Variants in ACTN4 observed in about 807,000 individuals in gnomAD.
ACTN4 encodes the protein actinin alpha 4, also known as alpha-actinin-4.
ACTN4 carries 18 observed loss-of-function variants against 114.2 expected under a neutral mutation model. The observed-to-expected ratio is 0.16, with a 90% CI of 0.11 to 0.23. ACTN4 has a LOEUF of 0.23. ACTN4 is among the 10% of genes least tolerant of loss of function. The pLI, the probability that ACTN4 is intolerant of heterozygous loss-of-function variation, is 1.00. For missense variants in ACTN4, 722 were observed against 1,262.9 expected (o/e 0.57, Z 6.49); for synonymous variants, 515 against 506.3 (o/e 1.02, Z -0.23).
Position 38,729,557 on chromosome 19 carries a change from T to TGGGCAGGGAG in ACTN4, c.*130_*139dup. On this transcript the variant is annotated 3_prime_UTR_variant, in exon 21 of 21. Transcript: ENST00000252699. ...TCTGCAGTCCTCCGGGGTGGGTGGG[T>TGGGCAGGGAG]GGGCAGGGAGGGGCTGGGGCAGGCT... is the stretch of plus-strand genomic sequence containing the variant. 1 of 81,698 alleles carries TGGGCAGGGAG rather than the reference T, an allele frequency of 1.2e-5. No individual in the cohort carries two copies. The highest frequency in any genetic ancestry group is 9.5e-5 in the South Asian group (1 of 10,520). The allele number at this position is 81,698 out of a possible 1,614,324, so 5.1% of individuals were successfully genotyped here. A position where few individuals can be genotyped will look rare whatever the true frequency, so the allele number is the denominator to read the frequency against.
chr19:38,705,506 G>C (rs1013945426), intron 4 of ACTN4, among the ~76,000 whole-genome samples: 1 of 152,218 alleles, frequency 6.6e-6, no homozygotes, highest in East Asian at 1.9e-4. Context: ...CTGGGCTAGC[G>C]TGCAGGGGCT....
chr19:38,717,863 G>C lies in ACTN4; in HGVS notation c.1144-64G>C. 1 of 1,550,294 alleles carries C rather than the reference G, an allele frequency of 6.5e-7. No individual in the cohort carries two copies. On this transcript the variant is annotated intron_variant, in intron 10 of 20. Transcript: ENST00000252699. This position sits in a 1 kb window ranked among gnomAD's most constrained non-coding sequence, Gnocchi z 4.0. The stretch of plus-strand genomic sequence containing the variant: ...GCCACCTTCCCATCAGCATCCCTTG[G>C]AGACATCCCCCTGGGTGCCTCCACT...
intron 1 of ACTN4, among the ~76,000 whole-genome samples, chr19:38,688,950 A>G (rs1226363463): frequency 1.3e-5 from 2 of 152,200 alleles, no homozygotes; most frequent in Non-Finnish European, 2.9e-5. Context: ...GGGTTTCACC[A>G]TGTCACCCAG....
At position 38,731,031 on chromosome 19, in the gene ACTN4, G is replaced by C; in HGVS notation, c.*1599G>C. 6.4e-7 allele frequency: 1 copy of C among 1,555,656 alleles called. No homozygotes were observed. Among genetic ancestry groups the C allele is most frequent in the Non-Finnish European group, 8.7e-7 (1 of 1,150,138 alleles). ...GGTGCTGGCTGCAGTGGCCTGTGCA[G>C]AGAGGGGCAGGGTGAGTGCCCACCA... On this transcript the variant is annotated 3_prime_UTR_variant, in exon 21 of 21. Coordinates refer to ENST00000252699, the MANE Select transcript of ACTN4 (RefSeq NM_004924.6).
intron 1 of ACTN4, among the ~76,000 whole-genome samples, chr19:38,692,770 CCT>C (rs1491425952): frequency 1.1e-4 from 17 of 152,176 alleles, no homozygotes; most frequent in Non-Finnish European, 2.5e-4. Context: ...CTGTACCTCC[CCT>C]GTGTCCAAGC....
intron 5 of ACTN4, among the ~76,000 whole-genome samples, chr19:38,706,357 C>T (rs1655666883): frequency 6.6e-6 from 1 of 152,218 alleles, no homozygotes; most frequent in African/African-American, 2.4e-5. Context: ...AAGGTCAGCC[C>T]TCTCGCCGGC....
chr19:38,727,740 T>G lies in ACTN4; in HGVS notation c.2338-206T>G. The stretch of plus-strand genomic sequence containing the variant: ...GGGAGGCCTCTGCCTTCCTTTGAGC[T>G]TCCGAGGTTGGGGAAAGGATGAAAG... On this transcript the variant is annotated intron_variant, in intron 18 of 20. Transcript: ENST00000252699. The surrounding 1 kb of genome is among the most constrained non-coding windows in gnomAD (Gnocchi z 5.4). 1.3e-5 allele frequency: 8 copies of G among 595,120 alleles called. No homozygotes were observed. The South Asian group carries it at 1.6e-4, about 12-fold the overall frequency. 36.9% of individuals were successfully genotyped at this position (595,120 alleles called of 1,614,324 possible).
rs1969583354 is a variant in ACTN4, at chr19:38,731,269, C to T, written c.*1837C>T. 6.7e-7 allele frequency: 1 copy of T among 1,491,462 alleles called. No homozygotes were observed. Among genetic ancestry groups the T allele is most frequent in the Middle Eastern group, 2.2e-4 (1 of 4,634 alleles). The allele number at this position is 1,491,462 out of a possible 1,614,324, so 92.4% of individuals were successfully genotyped here. A position where few individuals can be genotyped will look rare whatever the true frequency, so the allele number is the denominator to read the frequency against. ...AGCCCAGTGGCCCACAGGGAACCCA[C>T]CTTGGCATTGCATCCCCACCCCACC... On this transcript the variant is annotated 3_prime_UTR_variant, in exon 21 of 21. Coordinates refer to ENST00000252699, the MANE Select transcript of ACTN4 (RefSeq NM_004924.6).
rs371223361 is a variant in ACTN4, at chr19:38,724,090, C to T, written c.1692+13C>T. On this transcript the variant is annotated intron_variant, in intron 14 of 20. Transcript: ENST00000252699. The surrounding 1 kb of genome is among the most constrained non-coding windows in gnomAD (Gnocchi z 7.0). ...CGAGGAGATTGAGGTTCGCACCCCC[C>T]GGCCCCCCATCTTCCCAAGAGCCTC... is the stretch of plus-strand genomic sequence containing the variant. 5.9e-5 allele frequency: 95 copies of T among 1,613,666 alleles called. No individual in the cohort carries two copies. The highest frequency in any genetic ancestry group is 2.7e-4 in the African/African-American group (20 of 75,022).
At position 38,700,650 on chromosome 19, in the gene ACTN4, C is replaced by T. The variant is rs146499679; in HGVS notation, c.213C>T (p.Ile71=). ...ACCTGCGGAAGGCAGGCACACAGAT[C>T]GAGAACATTGATGAGGACTTCCGAG... is the stretch of plus-strand genomic sequence containing the variant. ...NSHLRKAGTQ[I]ENIDEDFRDG... The change falls in exon 2 of 21, where the codon ATC becomes ATT. Residue 71 remains isoleucine, a synonymous_variant. Coordinates refer to ENST00000252699, the MANE Select transcript of ACTN4 (RefSeq NM_004924.6). 2.0e-5 allele frequency: 33 copies of T among 1,614,188 alleles called. No homozygotes were observed. The highest frequency in any genetic ancestry group is 2.5e-5 in the Non-Finnish European group (29 of 1,180,040).
At position 38,724,152 on chromosome 19, in the gene ACTN4, C is replaced by T; in HGVS notation, c.1693-5C>T. ...GCCGCCCCCTCACTCCAGCTCCTCC[C>T]CTAGGGCCTGATCTCAGCCCATGAC... On this transcript the variant is annotated splice_region_variant and splice_polypyrimidine_tract_variant and intron_variant, in intron 14 of 20. Coordinates refer to ENST00000252699, the MANE Select transcript of ACTN4 (RefSeq NM_004924.6). The surrounding 1 kb of genome is among the most constrained non-coding windows in gnomAD (Gnocchi z 7.0). The T allele has an allele frequency of 6.2e-7, 1 of 1,613,802 alleles. No homozygotes were observed. Among genetic ancestry groups the T allele is most frequent in the Non-Finnish European group, 8.5e-7 (1 of 1,179,996 alleles).
chr19:38,692,646 G>A lies in ACTN4; in HGVS notation c.163-7954G>A, dbSNP rs1599807746. Among the ~76,000 whole-genome samples, 3 of 152,324 alleles carry A rather than the reference G, an allele frequency of 2.0e-5. No individual in the cohort carries two copies. In the East Asian group the frequency reaches 5.8e-4, roughly 29 times the overall value. On this transcript the variant is annotated intron_variant, in intron 1 of 20. Transcript: ENST00000252699. ...GGCTGGGGAGCCGTTTCTGCTTTCA[G>A]GAACTGAAAAGATGCCCCAGTGGGG...
intron 1 of ACTN4, chr19:38,648,242 T>G: frequency 4.6e-6 from 1 of 216,934 alleles, no homozygotes; most frequent in Non-Finnish European, 9.2e-6. Flanking sequence ...GGAACTGGGA[T>G]CCGAGGCGGG....
rs771007027 is a variant in ACTN4 at position 38,717,339 on chromosome 19, G to A, written c.1143+23G>A. ...TCGGTGAGCACCAGGATTCACATGG[G>A]AGCAGCTGTGAGGGGCAGAGGCAGC... On this transcript the variant is annotated intron_variant, in intron 10 of 20. Transcript: ENST00000252699. This position sits in a 1 kb window ranked among gnomAD's most constrained non-coding sequence, Gnocchi z 4.0. The A allele has an allele frequency of 1.4e-5, 23 of 1,609,776 alleles. No homozygotes were observed. The highest frequency in any genetic ancestry group is 1.8e-5 in the Non-Finnish European group (21 of 1,178,530).
At chr19:38,659,078 T>TTTTTTTTTTTTG (rs1319305104) in intron 1 of ACTN4, among the ~76,000 whole-genome samples, 1 of 148,794 alleles carries the variant, frequency 6.7e-6, no homozygotes, top group African/African-American at 2.5e-5. Flanking sequence ...TTTTTTTTTT[T>TTTTTTTTTTTTG]GAGACGGAGT....
chr19:38,709,416 A>C lies in ACTN4; in HGVS notation c.673A>C (p.Asn225His), dbSNP rs1968567641. Residue 225 changes from asparagine (N) to histidine (H), a missense_variant, in exon 7 of 21, where the codon AAC becomes CAC. Coordinates refer to ENST00000252699, the MANE Select transcript of ACTN4 (RefSeq NM_004924.6). Reference sequence around the variant, plus strand: ...CTAGGACGACCCTGTCACCAACCTGAACAATGCCTTCGAAGTGGCTGAGAA... The same window carrying C: ...CTAGGACGACCCTGTCACCAACCTGCACAATGCCTTCGAAGTGGCTGAGAA... ...LRKDDPVTNL[N>H]NAFEVAEKYL... 1 of 1,614,186 alleles carries C rather than the reference A, an allele frequency of 6.2e-7. No individual in the cohort carries two copies. Among genetic ancestry groups the C allele is most frequent in the East Asian group, 2.2e-5 (1 of 44,884 alleles).
chr19:38,714,961 G>A (rs986758593), intron 9 of ACTN4, among the ~76,000 whole-genome samples: 2 of 152,224 alleles, frequency 1.3e-5, no homozygotes, highest in Non-Finnish European at 2.9e-5. Flanking sequence ...CAGGCCCTGT[G>A]CAGGTGCTTA....
chr19:38,709,680 G>A (rs1055997340), intron 7 of ACTN4, among the ~76,000 whole-genome samples: 2 of 152,224 alleles, frequency 1.3e-5, no homozygotes, highest in African/African-American at 4.8e-5. Flanking sequence ...GGTAGCCTGG[G>A]CTGGCCAGAT....
intron 1 of ACTN4, among the ~76,000 whole-genome samples, chr19:38,662,429 G>T (rs1171850477): frequency 6.6e-6 from 1 of 152,194 alleles, no homozygotes; most frequent in Non-Finnish European, 1.5e-5. Flanking sequence ...CGGAGCAAAT[G>T]ATTATGGTGG....
Sources: gnomAD v4.1 joint callset for allele counts (sites outside exome capture counted in the v4.1 genomes callset) on GRCh38, gnomAD v4.1.1 for gene constraint, Gnocchi (gnomAD v3.1) non-coding constraint, MANE v1.5 for transcripts, NCBI Gene and HGNC (gene_info 2026-07-23, HGNC 2026-07-21) for gene names.